ADA: variants seen among roughly 807,000 people sequenced by gnomAD.
ADA encodes adenosine deaminase.
Under a neutral mutation model 49.0 loss-of-function variants are expected in ADA, and 45 were observed. The observed-to-expected ratio is 0.92, with a 90% CI of 0.72 to 1.18. The LOEUF is 1.18. ADA is among the 50% of genes most tolerant of loss of function. ADA has a pLI of 0.00. For missense variants in ADA, 445 were observed against 472.5 expected (o/e 0.94, Z 0.54); for synonymous variants, 173 against 184.2 (o/e 0.94, Z 0.49).
Position 44,622,831 on chromosome 20 carries a change from C to T in ADA, c.778G>A (p.Glu260Lys), listed in dbSNP as rs1235719506. The change falls in exon 8 of 12, where the codon GAG becomes AAG. Residue 260 changes from glutamate (E) to lysine (K), a missense_variant and splice_region_variant. By Grantham distance (56) the Glu-to-Lys change is moderately conservative. Transcript: ENST00000372874. ...NRLRQENMHF[E>K]ICPWSSYLTG... Reference sequence around the variant, plus strand: ...TCCCCACTCCCTGGCCCGCTTACCTCGAAGTGCATGTTTTCCTGCCGCAGC... The same window carrying T: ...TCCCCACTCCCTGGCCCGCTTACCTTGAAGTGCATGTTTTCCTGCCGCAGC... The T allele has an allele frequency of 2.5e-6, 4 of 1,614,100 alleles. No individual in the cohort carries two copies. Among genetic ancestry groups the T allele is most frequent in the East Asian group, 2.2e-5 (1 of 44,894 alleles).
At chr20:44,623,999 G>A (rs768835026) in intron 6 of ADA, 16 of 653,682 alleles carry the variant, frequency 2.4e-5, no homozygotes, top group South Asian at 7.7e-5. Flanking sequence ...CTCCTGCCTC[G>A]CCTCCCAAAG....
intron 1 of ADA, among the ~76,000 whole-genome samples, chr20:44,642,221 G>T (rs2065542584): frequency 6.6e-6 from 1 of 152,234 alleles, no homozygotes; most frequent in South Asian, 2.1e-4. Flanking sequence ...GCCCTGGAGG[G>T]ACAAGCAGTA....
intron 2 of ADA, among the ~76,000 whole-genome samples, chr20:44,634,120 C>T (rs910124557): frequency 2.0e-5 from 3 of 152,212 alleles, no homozygotes; most frequent in East Asian, 1.9e-4. Flanking sequence ...TAGCCCCACC[C>T]GGCGCTCCCA....
Position 44,624,302 on chromosome 20 carries a change from C to A in ADA, c.506G>T (p.Cys169Phe). The change falls in exon 6 of 12, where the codon TGT becomes TTT. Residue 169 changes from cysteine to phenylalanine, a missense_variant. Coordinates refer to ENST00000372874, the MANE Select transcript of ADA (RefSeq NM_000022.4). ...PNWSPKVVEL[C>F]KKYQQQTVVA... ...CACGGTCTGCTGCTGGTACTTCTTA[C>A]ACAGCTCCACCACCTTGGGGGACCA... 4 of 1,613,908 alleles carry A rather than the reference C, an allele frequency of 2.5e-6. No homozygotes were observed. Among genetic ancestry groups the A allele is most frequent in the Non-Finnish European group, 3.4e-6 (4 of 1,179,916 alleles).
chr20:44,626,468 C>T lies in ADA; in HGVS notation c.350G>A (p.Trp117Ter), dbSNP rs749484894. ...LANSKVEPIP[W>*]NQAEGDLTPD... Reference sequence around the variant, plus strand: ...GCCCATCACTCACTCAGCCTGGTTCCAGGGGATTGGCTCCACTTTGGAGTT... The same window carrying T: ...GCCCATCACTCACTCAGCCTGGTTCTAGGGGATTGGCTCCACTTTGGAGTT... Residue 117 changes from tryptophan (W) to a stop codon, truncating the protein, a stop_gained, in exon 4 of 12, where the codon TGG becomes TAG. Transcript: ENST00000372874. LOFTEE classifies it high-confidence loss of function. 14 of 1,613,960 alleles carry T rather than the reference C, an allele frequency of 8.7e-6. No individual in the cohort carries two copies. The highest frequency in any genetic ancestry group is 1.2e-5 in the Non-Finnish European group (14 of 1,180,034).
chr20:44,628,461 G>A (rs2065402608), intron 3 of ADA, among the ~76,000 whole-genome samples: 1 of 152,058 alleles, frequency 6.6e-6, no homozygotes, highest in Admixed American at 6.6e-5. Context: ...GGGAGGTGGA[G>A]GTTGCAGTGA....
At chr20:44,650,681 G>T (rs533843875) in intron 1 of ADA, among the ~76,000 whole-genome samples, 1 of 151,954 alleles carries the variant, frequency 6.6e-6, no homozygotes, top group East Asian at 1.9e-4. Flanking sequence ...TGATCCTCCC[G>T]CCTCAGCCTC....
At chr20:44,647,886 C>T (rs1403157045) in intron 1 of ADA, among the ~76,000 whole-genome samples, 1 of 152,020 alleles carries the variant, frequency 6.6e-6, no homozygotes, top group Non-Finnish European at 1.5e-5. Context: ...CACTGCACTC[C>T]AGCCTGGGCA....
Position 44,630,797 on chromosome 20 carries a change from C to T in ADA, c.96-1628G>A, listed in dbSNP as rs139566474. ...CAGTACTTTGGGAAGCCAAGGCTGG[C>T]GGATCACTTAAGCCCAGGAGTTTGA... is the stretch of plus-strand genomic sequence containing the variant. On this transcript the variant is annotated intron_variant, in intron 2 of 11. Transcript: ENST00000372874. 2.6e-5 allele frequency among the ~76,000 whole-genome samples: 4 copies of T among 152,276 alleles called. No individual in the cohort carries two copies. In the East Asian group the frequency reaches 5.8e-4, roughly 22 times the overall value.
chr20:44,622,503 T>C, intron 9 of ADA, 85 bp downstream of exon 9: 11 of 1,510,050 alleles, frequency 7.3e-6, no homozygotes, highest in Non-Finnish European at 1.0e-5. Flanking sequence ...AGACGCGGCA[T>C]GGGCTGATGC....
intron 1 of ADA, among the ~76,000 whole-genome samples, chr20:44,637,360 C>A (rs2065490094): frequency 1.3e-5 from 2 of 152,084 alleles, no homozygotes; most frequent in African/African-American, 4.8e-5. Context: ...TTAAAAAGGG[C>A]AGTGTAGGTG....
chr20:44,641,229 C>T (rs2065530911), intron 1 of ADA, among the ~76,000 whole-genome samples: 2 of 152,098 alleles, frequency 1.3e-5, no homozygotes, highest in Non-Finnish European at 2.9e-5. Flanking sequence ...TCAACCCCAT[C>T]TGAGGTCAAT....
rs536500506 is a variant in ADA at position 44,640,423 on chromosome 20, A to G, written c.34-4135T>C. Among the ~76,000 whole-genome samples the G allele has an allele frequency of 4.0e-5, 6 of 150,518 alleles. No homozygotes were observed. In the South Asian group the frequency reaches 8.4e-4, roughly 21 times the overall value. ...GAGCAATACTCCCTCTCAAAAAAAA[A>G]ATATTAACTTATGGCGGGTGGATCA... On this transcript the variant is annotated intron_variant, in intron 1 of 11. Transcript: ENST00000372874.
intron 1 of ADA, among the ~76,000 whole-genome samples, chr20:44,638,063 C>G (rs2065496551): frequency 6.6e-6 from 1 of 152,176 alleles, no homozygotes; most frequent in Non-Finnish European, 1.5e-5. Context: ...GAGCCGGAGT[C>G]ACACTGTATA....
At chr20:44,650,043 A>G (rs1460357029) in intron 1 of ADA, among the ~76,000 whole-genome samples, 1 of 152,062 alleles carries the variant, frequency 6.6e-6, no homozygotes, top group African/African-American at 2.4e-5. Context: ...CCAATCAAAG[A>G]GCTTTGCTAT....
At chr20:44,622,727 G>A in intron 8 of ADA, 75 bp from the exon 9 acceptor site, 2 of 1,613,630 alleles carry the variant, frequency 1.2e-6, no homozygotes, top group Non-Finnish European at 1.7e-6. Flanking sequence ...CTGGGCCTGG[G>A]GCCACCCCTC....
chr20:44,643,964 CAG>C lies in ADA; in HGVS notation c.33+7609_33+7610del, dbSNP rs563010432. 2.7e-4 allele frequency among the ~76,000 whole-genome samples: 41 copies of C among 152,080 alleles called. No homozygotes were observed. The South Asian group carries it at 6.7e-3, about 25-fold the overall frequency. Reference sequence around the variant, plus strand: ...GTGGGTTCACTTACCCAAGGTCACTCAGTGTGTCGGTGGCAGAGCTACCATGA... The same window carrying C: ...GTGGGTTCACTTACCCAAGGTCACTCTGTGTCGGTGGCAGAGCTACCATGA... On this transcript the variant is annotated intron_variant, in intron 1 of 11. Transcript: ENST00000372874.
At chr20:44,626,322 G>T (rs2065381692) in intron 4 of ADA, 134 bp downstream of exon 4, 1 of 1,251,168 alleles carries the variant, frequency 8.0e-7, no homozygotes, top group South Asian at 1.3e-5. Flanking sequence ...ATCTTTCTGA[G>T]GCCATGGACC....
At chr20:44,624,689 C>A (rs567985036) in intron 5 of ADA, among the ~76,000 whole-genome samples, 8 of 152,320 alleles carry the variant, frequency 5.3e-5, no homozygotes, top group Non-Finnish European at 8.8e-5. Context: ...TATTCCCATG[C>A]GCAGATGAGG....
Sources: gnomAD v4.1 joint callset for allele counts (sites outside exome capture counted in the v4.1 genomes callset) on GRCh38, gnomAD v4.1.1 for gene constraint, MANE v1.5 for transcripts, NCBI Gene and HGNC (gene_info 2026-07-23, HGNC 2026-07-21) for gene names.